FOXP2: variants seen among roughly 807,000 people sequenced by gnomAD.
The protein encoded by FOXP2 is forkhead box protein P2.
A neutral mutation model predicts 115.8 loss-of-function variants in FOXP2; 12 were observed. That is an observed-to-expected ratio of 0.10 (90% CI 0.07 to 0.17). FOXP2 has a LOEUF of 0.17. Among genes scored for constraint, FOXP2 ranks in the 10% least tolerant of loss-of-function variants. FOXP2 has a pLI of 1.00. For synonymous variants in FOXP2, 328 were observed against 297.7 expected, an observed-to-expected ratio of 1.10 and a Z score of -1.05; for missense variants, 629 against 843.5, an observed-to-expected ratio of 0.75 and a Z score of 3.15.
At position 114,692,818 on chromosome 7, in the gene FOXP2, C is replaced by G; in HGVS notation, c.*2892C>G. 1 of 449,428 alleles carries G rather than the reference C, an allele frequency of 2.2e-6. No individual in the cohort carries two copies. The allele number at this position is 449,428 out of a possible 1,614,324, so 27.8% of individuals were successfully genotyped here. On this transcript the variant is annotated 3_prime_UTR_variant, in exon 17 of 17. Transcript: ENST00000350908. ...TCTGTTTATGTATTGGTGGAATATA[C>G]CTGTTTTATTTATCTTTTTTGAGGT...
intron 2 of FOXP2, among the ~76,000 whole-genome samples, chr7:114,384,313 A>G (rs1792386074): frequency 6.6e-6 from 1 of 152,206 alleles, no homozygotes; most frequent in Admixed American, 6.5e-5. Flanking sequence ...ATGCATTCCC[A>G]TAAACAACAG....
chr7:114,171,349 GA>G (rs1793133541), intron 1 of FOXP2, among the ~76,000 whole-genome samples: 1 of 152,114 alleles, frequency 6.6e-6, no homozygotes, highest in Non-Finnish European at 1.5e-5. Flanking sequence ...AAGACAGGAG[GA>G]ACACTTGAGG....
intron 1 of FOXP2, among the ~76,000 whole-genome samples, chr7:114,423,859 A>G (rs949914547): frequency 2.6e-5 from 4 of 151,476 alleles, no homozygotes; most frequent in Non-Finnish European, 4.4e-5. Flanking sequence ...AACATACTCC[A>G]AGCTTTTTTA....
rs556286009 is a variant in FOXP2, at chr7:114,344,625, G to A, written c.-11+56516G>A. 1.4e-4 allele frequency among the ~76,000 whole-genome samples: 21 copies of A among 151,904 alleles called. No individual in the cohort carries two copies. The Middle Eastern group carries it at 0.017, about 123-fold the overall frequency. ...AATGTAGAGCTTTCTCAGATTGACC[G>A]TAGACATATTTTCTTAAGAGATACA... is the stretch of plus-strand genomic sequence containing the variant. On this transcript the variant is annotated intron_variant, in intron 2 of 17. Transcript: ENST00000634411.
chr7:114,653,091 A>G (rs1806367299), intron 9 of FOXP2, among the ~76,000 whole-genome samples: 1 of 152,102 alleles, frequency 6.6e-6, no homozygotes. Context: ...TTCATATTTT[A>G]TTACATCTTG....
chr7:114,468,955 A>C (rs929948382), intron 2 of FOXP2, among the ~76,000 whole-genome samples: 16 of 152,206 alleles, frequency 1.1e-4, no homozygotes, highest in African/African-American at 3.9e-4. Flanking sequence ...GATTTTGCAC[A>C]TAAGAACTCT....
In FOXP2 at chr7:114,693,002, A is replaced by G. The variant is rs930128501; in HGVS notation, c.*3076A>G. 1 of 453,834 alleles carries G rather than the reference A, an allele frequency of 2.2e-6. No individual in the cohort carries two copies. Among genetic ancestry groups the G allele is most frequent in the African/African-American group, 2.0e-5 (1 of 50,010 alleles). The allele number at this position is 453,834 out of a possible 1,614,324, so 28.1% of individuals were successfully genotyped here. A position where few individuals can be genotyped will look rare whatever the true frequency, so the allele number is the denominator to read the frequency against. On this transcript the variant is annotated 3_prime_UTR_variant, in exon 17 of 17. Coordinates refer to ENST00000350908, the MANE Select transcript of FOXP2 (RefSeq NM_014491.4). ...TAAAGGACCAAACCTAGGATTTGAA[A>G]GAAAACTGTCTACCTCTAACACCAG...
At chr7:114,245,961 T>G (rs1384870916) in intron 1 of FOXP2, among the ~76,000 whole-genome samples, 3 of 151,958 alleles carry the variant, frequency 2.0e-5, no homozygotes, top group African/African-American at 7.2e-5. Context: ...TATATAGAAA[T>G]AGGATATAAA....
intron 1 of FOXP2, among the ~76,000 whole-genome samples, chr7:114,200,762 T>C (rs1454657632): frequency 6.6e-6 from 1 of 152,246 alleles, no homozygotes; most frequent in Non-Finnish European, 1.5e-5. Context: ...AATTTGTTCA[T>C]GTAAATTACT....
At chr7:114,516,298 A>C (rs982843093) in intron 2 of FOXP2, among the ~76,000 whole-genome samples, 3 of 152,132 alleles carry the variant, frequency 2.0e-5, no homozygotes, top group Non-Finnish European at 4.4e-5. Context: ...TGACAAAAAC[A>C]AGCAATGGGG....
At chr7:114,620,584 A>G (rs1423924365) in intron 3 of FOXP2, among the ~76,000 whole-genome samples, 1 of 152,076 alleles carries the variant, frequency 6.6e-6, no homozygotes, top group African/African-American at 2.4e-5. Context: ...GATGAGCAAA[A>G]TTATCTTAAA....
At chr7:114,271,862 A>G (rs1452147991) in intron 1 of FOXP2, among the ~76,000 whole-genome samples, 3 of 124,522 alleles carry the variant, frequency 2.4e-5, no homozygotes, top group African/African-American at 9.5e-5. Flanking sequence ...AATTATTAAA[A>G]CATTATAATA....
chr7:114,599,379 A>G (rs1192927499), intron 3 of FOXP2, among the ~76,000 whole-genome samples: 3 of 152,168 alleles, frequency 2.0e-5, no homozygotes, highest in African/African-American at 7.2e-5. Flanking sequence ...TTTATTTTAA[A>G]TGTTAAATTA....
intron 2 of FOXP2, among the ~76,000 whole-genome samples, chr7:114,301,773 G>C (rs1796884955): frequency 6.6e-6 from 1 of 152,070 alleles, no homozygotes. Flanking sequence ...TGTTTGTTTA[G>C]AAAGATTAAC....
rs183055909 is a variant in FOXP2, at chr7:114,263,530, T to A, written c.-101-24489T>A. On this transcript the variant is annotated intron_variant, in intron 1 of 17. Coordinates refer to the FOXP2 transcript ENST00000634411. ...GTTTAGTGCTGTGATCATAGCTCAC[T>A]GTAACCTTGAACTCCTGGGCTCAAA... is the stretch of plus-strand genomic sequence containing the variant. Among the ~76,000 whole-genome samples the A allele has an allele frequency of 7.3e-5, 11 of 151,678 alleles. No homozygotes were observed. In the East Asian group the frequency reaches 2.0e-3, roughly 27 times the overall value.
rs144511332 is a variant in FOXP2 at position 114,334,931 on chromosome 7, C to CTATATATA, written c.-11+46843_-11+46850dup. On this transcript the variant is annotated intron_variant, in intron 2 of 17. Coordinates refer to the FOXP2 transcript ENST00000634411. ...ATATATATTTTATATATATAGAAAT[C>CTATATATA]TATATATATATATATATATATATAT... 1.3e-3 allele frequency among the ~76,000 whole-genome samples: 151 copies of CTATATATA among 119,322 alleles called. 2 individuals are homozygous for CTATATATA. The highest frequency in any genetic ancestry group is 3.6e-3 in the African/African-American group (120 of 33,192). The allele number at this position is 119,322 out of a possible 152,430, so 78.3% of individuals were successfully genotyped here.
In FOXP2 at chr7:114,416,066, A is replaced by C. The variant is rs143392903; in HGVS notation, c.-11+706A>C. Among the ~76,000 whole-genome samples the C allele has an allele frequency of 5.9e-3, 892 of 152,120 alleles. 8 individuals are homozygous for C. Among genetic ancestry groups the C allele is most frequent in the African/African-American group, 0.021 (852 of 41,534 alleles). The stretch of plus-strand genomic sequence containing the variant: ...GGTGTGATAGTTTAATACTCGTGTC[A>C]GTTAAAAAGGTAGCTTGGCTGGGCT... On this transcript the variant is annotated intron_variant, in intron 1 of 16. Coordinates refer to ENST00000350908, the MANE Select transcript of FOXP2 (RefSeq NM_014491.4).
chr7:114,258,933 G>A (rs1795683134), intron 1 of FOXP2, among the ~76,000 whole-genome samples: 1 of 152,110 alleles, frequency 6.6e-6, no homozygotes, highest in East Asian at 1.9e-4. Flanking sequence ...GATTTCCTAT[G>A]GGGATGTGGT....
intron 3 of FOXP2, among the ~76,000 whole-genome samples, chr7:114,542,578 C>T (rs1036145983): frequency 1.3e-5 from 2 of 151,958 alleles, no homozygotes; most frequent in African/African-American, 4.8e-5. Flanking sequence ...TTCATTGTTC[C>T]TTAATCTTTT....
Sources: gnomAD v4.1 joint callset for allele counts (sites outside exome capture counted in the v4.1 genomes callset) on GRCh38, gnomAD v4.1.1 for gene constraint, MANE v1.5 for transcripts, NCBI Gene and HGNC (gene_info 2026-07-23, HGNC 2026-07-21) for gene names.